The following PTPRD variants were observed in gnomAD, a reference collection of about 807,000 sequenced individuals.
PTPRD encodes the protein protein tyrosine phosphatase receptor type D, also known as receptor-type tyrosine-protein phosphatase delta.
A neutral mutation model predicts 214.5 loss-of-function variants in PTPRD; 34 were observed. That is an observed-to-expected ratio of 0.16 (90% CI 0.12 to 0.21). The LOEUF (loss-of-function observed/expected upper bound fraction) is 0.21, where lower values mean the gene tolerates loss of function less well. Among genes scored for constraint, PTPRD ranks in the 10% least tolerant of loss-of-function variants. PTPRD has a pLI of 1.00. For synonymous variants in PTPRD, 1,128 were observed against 845.7 expected (o/e 1.33, Z -5.79); for missense variants, 2,545 against 2,398.7 (o/e 1.06, Z -1.27).
intron 2 of PTPRD, among the ~76,000 whole-genome samples, chr9:10,352,281 C>T (rs1207417826): frequency 6.6e-6 from 1 of 151,992 alleles, no homozygotes; most frequent in Admixed American, 6.6e-5. Flanking sequence ...TATACAAACA[C>T]TCCTGCTGAT....
rs79917915 is a variant in PTPRD, at chr9:9,421,455, G to A, written c.-236-23973C>T. Reference sequence around the variant, plus strand: ...CATAAAATATTTCTGAAAACGAGTTGTTAAGATTTGAATTGCTTGAAATGT... The same window carrying A: ...CATAAAATATTTCTGAAAACGAGTTATTAAGATTTGAATTGCTTGAAATGT... On this transcript the variant is annotated intron_variant, in intron 8 of 45. Transcript: ENST00000381196. Among the ~76,000 whole-genome samples, 1,249 of 152,150 alleles carry A rather than the reference G, an allele frequency of 8.2e-3. 23 individuals are homozygous for A. The highest frequency in any genetic ancestry group is 0.061 in the East Asian group (315 of 5,182).
chr9:10,384,425 T>C (rs2097877275), intron 2 of PTPRD, among the ~76,000 whole-genome samples: 1 of 151,552 alleles, frequency 6.6e-6, no homozygotes, highest in South Asian at 2.1e-4. Context: ...TTCTATATGA[T>C]CAAAAATAAT....
chr9:8,954,921 A>G lies in PTPRD; in HGVS notation c.-104+63776T>C, dbSNP rs574050407. Among the ~76,000 whole-genome samples, 18 of 152,036 alleles carry G rather than the reference A, an allele frequency of 1.2e-4. No individual in the cohort carries two copies. The South Asian group carries it at 3.5e-3, about 30-fold the overall frequency. On this transcript the variant is annotated intron_variant, in intron 11 of 45. Coordinates refer to ENST00000381196, the MANE Select transcript of PTPRD (RefSeq NM_002839.4). ...CTACCAAAGTTGGTTATCACTACAG[A>G]TGCAAAATATAGACAACCATGTTCT...
In PTPRD at chr9:9,467,588, C is replaced by CAAAAAAAAAAAA. The variant is rs1176159031; in HGVS notation, c.-236-70118_-236-70107dup. On this transcript the variant is annotated intron_variant, in intron 8 of 45. Coordinates refer to ENST00000381196, the MANE Select transcript of PTPRD (RefSeq NM_002839.4). Reference sequence around the variant, plus strand: ...GGCGACAGAGCGGGACTCCATCTCCCAAAAAAAAAAAAAAAAAAAAAAGTT... The same window carrying CAAAAAAAAAAAA: ...GGCGACAGAGCGGGACTCCATCTCCCAAAAAAAAAAAAAAAAAAAAAAAAAAAAAAAAAAGTT... 2.2e-3 allele frequency among the ~76,000 whole-genome samples: 121 copies of CAAAAAAAAAAAA among 55,956 alleles called. 22 individuals carry two copies. Among genetic ancestry groups the CAAAAAAAAAAAA allele is most frequent in the Middle Eastern group, 0.019 (1 of 52 alleles). The allele number at this position is 55,956 out of a possible 152,430, so 36.7% of individuals were successfully genotyped here.
intron 2 of PTPRD, among the ~76,000 whole-genome samples, chr9:10,443,722 C>G (rs1227002093): frequency 6.6e-6 from 1 of 151,124 alleles, no homozygotes; most frequent in Non-Finnish European, 1.5e-5. Flanking sequence ...GAATTCTCCT[C>G]AGTATTAGAG....
intron 11 of PTPRD, among the ~76,000 whole-genome samples, chr9:8,940,314 C>T (rs2099024870): frequency 1.3e-5 from 1 of 79,950 alleles, no homozygotes; most frequent in Non-Finnish European, 2.4e-5. Context: ...ATGGAGTCTT[C>T]CTCTGTCACC....
At chr9:9,578,709 C>A (rs2089837868) in intron 7 of PTPRD, among the ~76,000 whole-genome samples, 1 of 152,002 alleles carries the variant, frequency 6.6e-6, no homozygotes, top group African/African-American at 2.4e-5. Flanking sequence ...AGAAAAGTTT[C>A]ATATATTAGA....
intron 9 of PTPRD, among the ~76,000 whole-genome samples, chr9:9,209,867 G>C (rs2099947399): frequency 6.6e-6 from 1 of 152,000 alleles, no homozygotes; most frequent in South Asian, 2.1e-4. Flanking sequence ...AAACTCCTGG[G>C]TCAGATACAA....
At position 9,082,404 on chromosome 9, in the gene PTPRD, C is replaced by T. The variant is rs561035121; in HGVS notation, c.-142-63669G>A. The stretch of plus-strand genomic sequence containing the variant: ...AAAGGCCTTCAATAAAATTCAACAC[C>T]GCTTCATGCTAAAAACTCTCAATAA... On this transcript the variant is annotated intron_variant, in intron 10 of 45. Coordinates refer to ENST00000381196, the MANE Select transcript of PTPRD (RefSeq NM_002839.4). 1.2e-4 allele frequency among the ~76,000 whole-genome samples: 18 copies of T among 152,116 alleles called. No individual in the cohort carries two copies. The East Asian group carries it at 3.1e-3, about 26-fold the overall frequency.
rs551625344 is a variant in PTPRD, at chr9:10,256,120, G to A, written c.-545+84843C>T. Among the ~76,000 whole-genome samples the A allele has an allele frequency of 3.3e-5, 5 of 152,256 alleles. No homozygotes were observed. The East Asian group carries it at 5.8e-4, about 18-fold the overall frequency. ...AAGAATTTAATGCCTGATGATCTGT[G>A]GTGGAACAGTTTCATCCTGAAACCA... On this transcript the variant is annotated intron_variant, in intron 3 of 45. Coordinates refer to ENST00000381196, the MANE Select transcript of PTPRD (RefSeq NM_002839.4).
chr9:9,109,237 ATATC>A (rs995452921), intron 10 of PTPRD, among the ~76,000 whole-genome samples: 2 of 152,140 alleles, frequency 1.3e-5, no homozygotes, highest in African/African-American at 2.4e-5. Context: ...TACTCTATCT[ATATC>A]TATGTAGAGA....
intron 9 of PTPRD, among the ~76,000 whole-genome samples, chr9:9,201,198 G>A (rs1292493223): frequency 6.6e-6 from 1 of 151,984 alleles, no homozygotes; most frequent in African/African-American, 2.4e-5. Context: ...ATACATGTCA[G>A]GAGCAAGAAG....
At chr9:9,279,891 AC>A (rs1947034455) in intron 9 of PTPRD, among the ~76,000 whole-genome samples, 2 of 151,170 alleles carry the variant, frequency 1.3e-5, no homozygotes, top group South Asian at 4.2e-4. Context: ...ACGCCACTCT[AC>A]TTTTTAAAAT....
At chr9:8,639,284 A>C (rs2096522059) in intron 12 of PTPRD, among the ~76,000 whole-genome samples, 1 of 152,232 alleles carries the variant, frequency 6.6e-6, no homozygotes, top group Non-Finnish European at 1.5e-5. Context: ...ATTGATAATA[A>C]CTACTTGCTT....
At chr9:8,928,635 G>T (rs981714626) in intron 11 of PTPRD, among the ~76,000 whole-genome samples, 2 of 151,932 alleles carry the variant, frequency 1.3e-5, no homozygotes, top group Non-Finnish European at 2.9e-5. Context: ...GATGCCTCTG[G>T]CTTTGTTCTT....
chr9:9,947,102 A>C (rs1462792853), intron 4 of PTPRD, among the ~76,000 whole-genome samples: 2 of 150,236 alleles, frequency 1.3e-5, no homozygotes, highest in East Asian at 4.0e-4. Flanking sequence ...AATAACTTGG[A>C]AGAACTGAAA....
intron 11 of PTPRD, among the ~76,000 whole-genome samples, chr9:8,908,893 A>G (rs1404724468): frequency 6.6e-6 from 1 of 151,166 alleles, no homozygotes; most frequent in Non-Finnish European, 1.5e-5. Context: ...ACCTATCATT[A>G]TTAATGCTAC....
chr9:10,226,249 G>A (rs1480681310), intron 3 of PTPRD, among the ~76,000 whole-genome samples: 1 of 152,058 alleles, frequency 6.6e-6, no homozygotes, highest in Non-Finnish European at 1.5e-5. Context: ...TGTACAGTGT[G>A]GCTACCAGCC....
intron 9 of PTPRD, among the ~76,000 whole-genome samples, chr9:9,244,354 G>C (rs2099971896): frequency 1.3e-5 from 2 of 152,076 alleles, no homozygotes; most frequent in Non-Finnish European, 2.9e-5. Flanking sequence ...AAAGAACAAA[G>C]CTGGAGGCAT....
Sources: gnomAD v4.1 joint callset for allele counts (sites outside exome capture counted in the v4.1 genomes callset) on GRCh38, gnomAD v4.1.1 for gene constraint, MANE v1.5 for transcripts, NCBI Gene and HGNC (gene_info 2026-07-23, HGNC 2026-07-21) for gene names.